AK5: variants seen among roughly 807,000 people sequenced by gnomAD.
AK5 encodes the protein adenylate kinase isoenzyme 5.
Under a neutral mutation model 69.5 loss-of-function variants are expected in AK5, and 27 were observed. The observed-to-expected ratio is 0.39, with a 90% CI of 0.29 to 0.54. The LOEUF is 0.54. Among genes scored for constraint, AK5 ranks in the 20% least tolerant of loss-of-function variants. AK5 has a pLI of 0.71. For missense variants in AK5, 531 were observed against 700.4 expected, an observed-to-expected ratio of 0.76 and a Z score of 2.73; for synonymous variants, 260 against 244.4, an observed-to-expected ratio of 1.06 and a Z score of -0.60.
At chr1:77,406,473 A>G (rs373654736) in intron 6 of AK5, among the ~76,000 whole-genome samples, 44 of 152,312 alleles carry the variant, frequency 2.9e-4, no homozygotes, top group African/African-American at 1.1e-3. Flanking sequence ...GGAAATATGC[A>G]GAGGGCCTAA....
chr1:77,434,424 G>A (rs1435648822), intron 8 of AK5, among the ~76,000 whole-genome samples: 1 of 151,592 alleles, frequency 6.6e-6, no homozygotes, highest in African/African-American at 2.4e-5. Context: ...AGGCTCTCCA[G>A]GGCCCAACTG....
chr1:77,555,198 A>G (rs1660036920), intron 13 of AK5, among the ~76,000 whole-genome samples: 1 of 152,152 alleles, frequency 6.6e-6, no homozygotes, highest in Non-Finnish European at 1.5e-5. Flanking sequence ...GAATCGCCTG[A>G]ACTTGGGAGG....
At chr1:77,428,396 A>G (rs536084034) in intron 8 of AK5, among the ~76,000 whole-genome samples, 13 of 152,344 alleles carry the variant, frequency 8.5e-5, no homozygotes, top group African/African-American at 2.9e-4. Context: ...AGCTTCAGCT[A>G]TCCAGAGGAA....
rs1197239192 is a variant in AK5 at position 77,282,307 on chromosome 1, C to T, written c.-7C>T. ...CGCTTGCGCCCCAAGGCACGCGCGG[C>T]ACAGCCATGAACACCAACGATGCCA... On this transcript the variant is annotated 5_prime_UTR_variant, in exon 1 of 14. Transcript: ENST00000354567. 3.2e-6 allele frequency: 5 copies of T among 1,552,936 alleles called. No homozygotes were observed. The highest frequency in any genetic ancestry group is 4.4e-6 in the Non-Finnish European group (5 of 1,148,850).
At chr1:77,554,769 C>CAA (rs1411031900) in intron 13 of AK5, among the ~76,000 whole-genome samples, 36 of 86,918 alleles carry the variant, frequency 4.1e-4, no homozygotes, top group Non-Finnish European at 6.1e-4. Context: ...CCATGCCCGG[C>CAA]TATTTTTTTT....
intron 6 of AK5, among the ~76,000 whole-genome samples, chr1:77,352,366 TAATGAAAGAAAC>T (rs780958208): frequency 6.6e-5 from 10 of 152,200 alleles, no homozygotes; most frequent in Admixed American, 2.6e-4. Context: ...GTTTTAAAAT[TAATGAAAGAAAC>T]AGAGGCCCAG....
intron 8 of AK5, among the ~76,000 whole-genome samples, chr1:77,436,297 A>G (rs571756280): frequency 6.6e-6 from 1 of 152,066 alleles, no homozygotes; most frequent in African/African-American, 2.4e-5. Flanking sequence ...CTCCTCCCAA[A>G]ACACATTTTA....
chr1:77,323,455 CATT>C, intron 5 of AK5, among the ~76,000 whole-genome samples: 1 of 152,270 alleles, frequency 6.6e-6, no homozygotes, highest in Admixed American at 6.5e-5. Flanking sequence ...GTACCATAAA[CATT>C]AGAGCAAATT....
intron 13 of AK5, among the ~76,000 whole-genome samples, chr1:77,553,072 T>C (rs1394248601): frequency 6.6e-6 from 1 of 152,192 alleles, no homozygotes. Flanking sequence ...AAAAAATTTG[T>C]ATATTAATAG....
At chr1:77,462,734 T>C (rs1017438072) in intron 8 of AK5, among the ~76,000 whole-genome samples, 1 of 152,170 alleles carries the variant, frequency 6.6e-6, no homozygotes, top group African/African-American at 2.4e-5. Context: ...TAAGCCTCAA[T>C]TTCAAAATTA....
At chr1:77,359,049 A>C (rs967583794) in intron 6 of AK5, among the ~76,000 whole-genome samples, 2 of 151,932 alleles carry the variant, frequency 1.3e-5, no homozygotes, top group Admixed American at 1.3e-4. Context: ...AGGTCAGGAG[A>C]TCGAGACCAT....
intron 6 of AK5, among the ~76,000 whole-genome samples, chr1:77,403,887 C>T (rs543022033): frequency 1.1e-3 from 165 of 152,268 alleles, no homozygotes; most frequent in Middle Eastern, 3.4e-3. Context: ...TTACCTTAGG[C>T]AGTATGGCCA....
At chr1:77,486,854 A>T (rs1360076922) in intron 10 of AK5, among the ~76,000 whole-genome samples, 1 of 152,206 alleles carries the variant, frequency 6.6e-6, no homozygotes. Context: ...CAGCATGGAA[A>T]AAGTAGGGCT....
At chr1:77,423,970 A>G (rs1341519006) in intron 8 of AK5, among the ~76,000 whole-genome samples, 4 of 152,142 alleles carry the variant, frequency 2.6e-5, no homozygotes, top group Non-Finnish European at 5.9e-5. Flanking sequence ...ATCCTGTCCC[A>G]CCCAAAGGGA....
At chr1:77,536,856 T>G (rs919001722) in intron 13 of AK5, among the ~76,000 whole-genome samples, 2 of 152,152 alleles carry the variant, frequency 1.3e-5, no homozygotes, top group African/African-American at 2.4e-5. Context: ...GAGCAGGTAA[T>G]TAAGTAAAAC....
At chr1:77,344,541 C>G (rs1661815125) in intron 6 of AK5, among the ~76,000 whole-genome samples, 2 of 152,098 alleles carry the variant, frequency 1.3e-5, no homozygotes, top group South Asian at 4.1e-4. Context: ...TTTACTATTG[C>G]TGAGTAAGCT....
At chr1:77,396,191 C>A (rs533746442) in intron 6 of AK5, among the ~76,000 whole-genome samples, 1 of 152,292 alleles carries the variant, frequency 6.6e-6, no homozygotes, top group Admixed American at 6.5e-5. Context: ...CAGCTAAATT[C>A]ACATAAAGTC....
chr1:77,335,862 T>C (rs1661329505), intron 5 of AK5, among the ~76,000 whole-genome samples: 1 of 152,156 alleles, frequency 6.6e-6, no homozygotes, highest in Admixed American at 6.5e-5. Flanking sequence ...GGCTAAGAAG[T>C]GCAAGATCAA....
chr1:77,348,005 G>A (rs1661999820), intron 6 of AK5, among the ~76,000 whole-genome samples: 1 of 152,112 alleles, frequency 6.6e-6, no homozygotes, highest in African/African-American at 2.4e-5. Flanking sequence ...GATGAGAAGA[G>A]CTCTTGCACC....
Sources: gnomAD v4.1 joint callset for allele counts (sites outside exome capture counted in the v4.1 genomes callset) on GRCh38, gnomAD v4.1.1 for gene constraint, MANE v1.5 for transcripts, NCBI Gene and HGNC (gene_info 2026-07-23, HGNC 2026-07-21) for gene names.